Variants in SLC26A4 observed in about 807,000 individuals in gnomAD.
SLC26A4 encodes pendrin.
SLC26A4 carries 93 observed loss-of-function variants against 90.4 expected under a neutral mutation model. That is an observed-to-expected ratio of 1.03 (90% CI 0.87 to 1.22). The LOEUF is 1.22. SLC26A4 is among the 50% of genes most tolerant of loss of function. The pLI is 0.00. For synonymous variants in SLC26A4, 393 were observed against 354.6 expected (o/e 1.11, Z -1.22); for missense variants, 1,127 against 946.2 (o/e 1.19, Z -2.51).
chr7:107,688,442 G>A (rs1791479009), intron 8 of SLC26A4, among the ~76,000 whole-genome samples: 1 of 152,128 alleles, frequency 6.6e-6, no homozygotes, highest in Non-Finnish European at 1.5e-5. Flanking sequence ...GGTTTGTAGG[G>A]TAGCTCTGGT....
rs148223811 is a variant in SLC26A4, at chr7:107,666,676, A to G, written c.304+3241A>G. The stretch of plus-strand genomic sequence containing the variant: ...AAGGTGCAAAGGCCCTGAGGCCAGA[A>G]AACTTAGCATTTTCCAGGGAGGAAG... On this transcript the variant is annotated intron_variant, in intron 3 of 20. Coordinates refer to ENST00000644269, the MANE Select transcript of SLC26A4 (RefSeq NM_000441.2). 2.6e-3 allele frequency among the ~76,000 whole-genome samples: 393 copies of G among 152,306 alleles called. 2 individuals are homozygous for G. Among genetic ancestry groups the G allele is most frequent in the Non-Finnish European group, 4.3e-3 (290 of 68,020 alleles).
chr7:107,712,563 G>C lies in SLC26A4; in HGVS notation c.2260G>C (p.Asp754His). The change falls in exon 20 of 21, where the codon GAT (aspartate) becomes CAT (histidine). Residue 754 changes from aspartate to histidine, a missense_variant. Coordinates refer to ENST00000644269, the MANE Select transcript of SLC26A4 (RefSeq NM_000441.2). Reference protein sequence around the residue: ...ETITLIQDCKDTLELIETELT... With the variant: ...ETITLIQDCKHTLELIETELT... ...GATCACTCTCATTCAGGATTGTAAA[G>C]ATACCCTTGAATTAATAGAAACAGA... The C allele has an allele frequency of 2.5e-6, 4 of 1,585,546 alleles. No homozygotes were observed. Among genetic ancestry groups the C allele is most frequent in the Non-Finnish European group, 3.5e-6 (4 of 1,154,072 alleles).
chr7:107,686,376 C>CCCTT (rs1270128456), intron 8 of SLC26A4, among the ~76,000 whole-genome samples: 3 of 143,996 alleles, frequency 2.1e-5, no homozygotes, highest in Admixed American at 7.0e-5. Context: ...CCCTTTCCTC[C>CCCTT]CCTTCCTTCC....
At chr7:107,695,613 C>T (rs2188561) in intron 12 of SLC26A4, among the ~76,000 whole-genome samples, 2 of 151,930 alleles carry the variant, frequency 1.3e-5, no homozygotes, top group African/African-American at 4.8e-5. Flanking sequence ...GACCAGCCTG[C>T]GTAACACAGT....
chr7:107,661,632 C>G lies in SLC26A4; in HGVS notation c.-3-7C>G. 1.3e-6 allele frequency: 2 copies of G among 1,556,788 alleles called. No individual in the cohort carries two copies. On this transcript the variant is annotated splice_region_variant and splice_polypyrimidine_tract_variant and intron_variant, in intron 1 of 20. Coordinates refer to ENST00000644269, the MANE Select transcript of SLC26A4 (RefSeq NM_000441.2). The surrounding 1 kb of genome is among the most constrained non-coding windows in gnomAD (Gnocchi z 5.1). Reference sequence around the variant, plus strand: ...GTCCTCCCTCCTCGCTGTCCTCTGGCTCGCAGGTCATGGCAGCGCCAGGCG... The same window carrying G: ...GTCCTCCCTCCTCGCTGTCCTCTGGGTCGCAGGTCATGGCAGCGCCAGGCG...
rs139836154 is a variant in SLC26A4, at chr7:107,663,828, C to A, written c.304+393C>A. Among the ~76,000 whole-genome samples, 1,432 of 152,016 alleles carry A rather than the reference C, an allele frequency of 9.4e-3. 24 individuals carry two copies. The highest frequency in any genetic ancestry group is 0.032 in the African/African-American group (1,346 of 41,542). ...CCTCCCCAGTAGCTGGGACTACAGGCGCCCGCCACTACGCCCGGCTAATTT... is the reference window on the plus strand; with the variant it reads ...CCTCCCCAGTAGCTGGGACTACAGGAGCCCGCCACTACGCCCGGCTAATTT... On this transcript the variant is annotated intron_variant, in intron 3 of 20. Coordinates refer to ENST00000644269, the MANE Select transcript of SLC26A4 (RefSeq NM_000441.2).
intron 10 of SLC26A4, among the ~76,000 whole-genome samples, chr7:107,691,459 G>T (rs1185416371): frequency 6.7e-6 from 1 of 149,216 alleles, no homozygotes; most frequent in Non-Finnish European, 1.5e-5. Context: ...CCAATATCGT[G>T]CCACTACATT....
intron 19 of SLC26A4, among the ~76,000 whole-genome samples, chr7:107,711,766 G>A (rs191980579): frequency 1.4e-3 from 215 of 152,172 alleles, no homozygotes; most frequent in Non-Finnish European, 2.3e-3. Context: ...ACCATCACAG[G>A]ACTATCTCAG....
chr7:107,680,157 ATAATATAAT>A (rs1791174079), intron 6 of SLC26A4, among the ~76,000 whole-genome samples: 1 of 124,028 alleles, frequency 8.1e-6, no homozygotes, highest in Non-Finnish European at 1.6e-5. Flanking sequence ...ATCTTATTAT[ATAATATAAT>A]CTTATCTTAT....
chr7:107,661,518 C>A lies in SLC26A4; in HGVS notation c.-3-121C>A, dbSNP rs1180870732. On this transcript the variant is annotated intron_variant, in intron 1 of 20. Coordinates refer to ENST00000644269, the MANE Select transcript of SLC26A4 (RefSeq NM_000441.2). The surrounding 1 kb of genome is among the most constrained non-coding windows in gnomAD (Gnocchi z 5.1). ...GGCTGCAGGACGCGGACCAGACTCG[C>A]GGTGCAGGGGGGCCTGGCTGCAGCT... is the stretch of plus-strand genomic sequence containing the variant. 1.8e-6 allele frequency: 2 copies of A among 1,129,286 alleles called. No individual in the cohort carries two copies. Among genetic ancestry groups the A allele is most frequent in the Non-Finnish European group, 2.6e-6 (2 of 783,846 alleles). The allele number at this position is 1,129,286 out of a possible 1,614,324, so 70.0% of individuals were successfully genotyped here.
At position 107,674,345 on chromosome 7, in the gene SLC26A4, A is replaced by G. The variant is rs956320503; in HGVS notation, c.597A>G (p.Ile199Met). The G allele has an allele frequency of 6.2e-7, 1 of 1,608,026 alleles. No individual in the cohort carries two copies. The highest frequency in any genetic ancestry group is 8.5e-7 in the Non-Finnish European group (1 of 1,174,424). ...ASALTLLVGIIQLIFGGLQIG... is the reference protein window; with the variant it reads ...ASALTLLVGIMQLIFGGLQIG... ...CCCTGACTCTGCTGGTTGGAATTAT[A>G]CAGGTAATGAACTTACAAGTAAAAT... Residue 199 changes from isoleucine (I) to methionine (M), a missense_variant, in exon 5 of 21, where the codon ATA becomes ATG. Physicochemically the swap from Ile to Met is conservative, Grantham distance 10. Coordinates refer to ENST00000644269, the MANE Select transcript of SLC26A4 (RefSeq NM_000441.2).
At chr7:107,713,519 C>A (rs1225088191) in intron 20 of SLC26A4, among the ~76,000 whole-genome samples, 1 of 152,188 alleles carries the variant, frequency 6.6e-6, no homozygotes, top group East Asian at 1.9e-4. Context: ...CCAGCAGACT[C>A]TCTTCCAGTT....
chr7:107,688,111 G>A (rs530710224), intron 8 of SLC26A4, among the ~76,000 whole-genome samples: 2 of 152,228 alleles, frequency 1.3e-5, no homozygotes, highest in South Asian at 2.1e-4. Context: ...ATCACTTCAC[G>A]TTTCCAGGTC....
At chr7:107,692,127 AAT>A (rs1342689354) in intron 10 of SLC26A4, 1 of 1,272,780 alleles carries the variant, frequency 7.9e-7, no homozygotes, top group Non-Finnish European at 1.0e-6. Context: ...TTTGGGGGAT[AAT>A]GGTGCTCTGG....
In SLC26A4 at chr7:107,679,902, A is replaced by AT. The variant is rs1562826836; in HGVS notation, c.766-3299dup. The stretch of plus-strand genomic sequence containing the variant: ...ATATAATCTTATCTTATATAATCTT[A>AT]TATTATATGCTCTTATATAATATAA... On this transcript the variant is annotated intron_variant, in intron 6 of 20. Coordinates refer to ENST00000644269, the MANE Select transcript of SLC26A4 (RefSeq NM_000441.2). Among the ~76,000 whole-genome samples, 2 of 130,780 alleles carry AT rather than the reference A, an allele frequency of 1.5e-5. 1 individual carries two copies. The highest frequency in any genetic ancestry group is 3.2e-5 in the Non-Finnish European group (2 of 63,394). The allele number at this position is 130,780 out of a possible 152,430, so 85.8% of individuals were successfully genotyped here. A position where few individuals can be genotyped will look rare whatever the true frequency, so the allele number is the denominator to read the frequency against.
chr7:107,676,872 C>T (rs1054166826), intron 6 of SLC26A4, among the ~76,000 whole-genome samples: 2 of 152,076 alleles, frequency 1.3e-5, no homozygotes, highest in African/African-American at 4.8e-5. Context: ...GGCAGAATAA[C>T]ATAGTGAATA....
At position 107,663,447 on chromosome 7, in the gene SLC26A4, G is replaced by A. The variant is rs1057033374; in HGVS notation, c.304+12G>A. 6 of 1,613,910 alleles carry A rather than the reference G, an allele frequency of 3.7e-6. No homozygotes were observed. Among genetic ancestry groups the A allele is most frequent in the East Asian group, 2.2e-5 (1 of 44,874 alleles). On this transcript the variant is annotated intron_variant, in intron 3 of 20. Coordinates refer to ENST00000644269, the MANE Select transcript of SLC26A4 (RefSeq NM_000441.2). ...GGCCACGCTGCAAGGTAAGATGTTG[G>A]CAGATTGAGAGTTCTGGTCTCCAGC...
intron 6 of SLC26A4, among the ~76,000 whole-genome samples, chr7:107,682,132 T>TAAAAAAA (rs1562828616): frequency 3.7e-5 from 4 of 107,362 alleles, no homozygotes; most frequent in African/African-American, 7.0e-5. Flanking sequence ...AAAAAAAAAT[T>TAAAAAAA]TTTTTTATGT....
At chr7:107,680,330 T>C (rs187438172) in intron 6 of SLC26A4, among the ~76,000 whole-genome samples, 1 of 135,764 alleles carries the variant, frequency 7.4e-6, no homozygotes, top group African/African-American at 2.9e-5. Flanking sequence ...TATAATCTTA[T>C]CTTATTATAT....
Sources: allele counts gnomAD v4.1 joint callset (sites outside exome capture counted in the v4.1 genomes callset), GRCh38; gene constraint gnomAD v4.1.1; non-coding constraint Gnocchi (gnomAD v3.1); transcripts MANE v1.5; gene names NCBI Gene and HGNC (gene_info 2026-07-23, HGNC 2026-07-21).